ASIC2: variants seen among roughly 807,000 people sequenced by gnomAD.
ASIC2 encodes acid sensing ion channel subunit 2.
A neutral mutation model predicts 57.3 loss-of-function variants in ASIC2; 25 were observed. The ratio of observed to expected loss-of-function variants is 0.44; its 90% confidence interval spans 0.32 to 0.61. ASIC2 has a LOEUF of 0.61. Ranked by LOEUF, ASIC2 falls within the 20% of genes least tolerant of loss-of-function variation. ASIC2 has a pLI of 0.06. For missense variants in ASIC2, 641 were observed against 738.1 expected, an observed-to-expected ratio of 0.87 and a Z score of 1.52; for synonymous variants, 319 against 307.5, an observed-to-expected ratio of 1.04 and a Z score of -0.39.
At chr17:33,124,829 G>A (rs2092316942) in intron 1 of ASIC2, among the ~76,000 whole-genome samples, 1 of 152,214 alleles carries the variant, frequency 6.6e-6, no homozygotes, top group Non-Finnish European at 1.5e-5. Flanking sequence ...GAATCAGTGG[G>A]AGCCCTGAGT....
chr17:33,756,552 G>A (rs1236139786), intron 1 of ASIC2, among the ~76,000 whole-genome samples: 1 of 151,964 alleles, frequency 6.6e-6, no homozygotes, highest in Non-Finnish European at 1.5e-5. Context: ...CTGCACAAGT[G>A]AGACCTACAC....
At chr17:34,108,500 C>T (rs1333810654) in intron 1 of ASIC2, among the ~76,000 whole-genome samples, 1 of 152,126 alleles carries the variant, frequency 6.6e-6, no homozygotes, top group African/African-American at 2.4e-5. Flanking sequence ...CCCTATTACC[C>T]TATAAGATTT....
intron 1 of ASIC2, among the ~76,000 whole-genome samples, chr17:33,365,498 G>T (rs1352097956): frequency 6.6e-6 from 1 of 152,216 alleles, no homozygotes; most frequent in East Asian, 1.9e-4. Flanking sequence ...TCATTATCAA[G>T]TTATAGGGAG....
rs1169675693 is a variant in ASIC2 at position 33,310,588 on chromosome 17, A to G, written c.556-198521T>C. On this transcript the variant is annotated intron_variant, in intron 1 of 9. Coordinates refer to the ASIC2 transcript ENST00000359872. Reference sequence around the variant, plus strand: ...TGATCCTTAGGCTCAGAACCAAGTAAAAAATGCCTCTGAAGAAGTTGGACA... The same window carrying G: ...TGATCCTTAGGCTCAGAACCAAGTAGAAAATGCCTCTGAAGAAGTTGGACA... 2.0e-5 allele frequency among the ~76,000 whole-genome samples: 3 copies of G among 152,164 alleles called. No homozygotes were observed. In the East Asian group the frequency reaches 5.8e-4, roughly 29 times the overall value.
chr17:33,201,960 A>T (rs936102798), intron 1 of ASIC2, among the ~76,000 whole-genome samples: 4 of 139,064 alleles, frequency 2.9e-5, no homozygotes, highest in African/African-American at 1.1e-4. Flanking sequence ...GGAGCCCAGG[A>T]GGTGGGGATT....
chr17:33,122,972 C>T (rs890770567), intron 1 of ASIC2, among the ~76,000 whole-genome samples: 1 of 151,954 alleles, frequency 6.6e-6, no homozygotes, highest in African/African-American at 2.4e-5. Context: ...GTGGCCACTA[C>T]CGAAAAGATG....
intron 1 of ASIC2, among the ~76,000 whole-genome samples, chr17:33,866,019 GT>G (rs974709592): frequency 8.6e-5 from 13 of 151,962 alleles, no homozygotes; most frequent in African/African-American, 3.1e-4. Flanking sequence ...ACTGTATTTT[GT>G]TTTGTCTGAT....
intron 1 of ASIC2, among the ~76,000 whole-genome samples, chr17:33,341,520 T>C (rs1907721176): frequency 6.6e-6 from 1 of 152,204 alleles, no homozygotes; most frequent in Non-Finnish European, 1.5e-5. Flanking sequence ...ATGCTAGAGT[T>C]GAGTGGTTGC....
At chr17:33,846,693 A>G (rs71379419) in intron 1 of ASIC2, among the ~76,000 whole-genome samples, 1 of 151,818 alleles carries the variant, frequency 6.6e-6, no homozygotes, top group South Asian at 2.1e-4. Context: ...TTCACAGCTT[A>G]TACCTGTGAG....
chr17:33,512,087 G>A (rs1384461262), intron 1 of ASIC2, among the ~76,000 whole-genome samples: 3 of 152,178 alleles, frequency 2.0e-5, no homozygotes, highest in East Asian at 1.9e-4. Flanking sequence ...CAGCTTAATA[G>A]TAGGTAGTAT....
At chr17:33,981,199 C>T (rs536211676) in intron 1 of ASIC2, among the ~76,000 whole-genome samples, 4 of 152,098 alleles carry the variant, frequency 2.6e-5, no homozygotes, top group Non-Finnish European at 5.9e-5. Context: ...ATCCACCTGC[C>T]TCGGCCTCCC....
chr17:33,345,066 T>C (rs1157247168), intron 1 of ASIC2, among the ~76,000 whole-genome samples: 1 of 152,208 alleles, frequency 6.6e-6, no homozygotes, highest in East Asian at 1.9e-4. Context: ...TACCAAAATG[T>C]TTCCAGATAG....
intron 1 of ASIC2, among the ~76,000 whole-genome samples, chr17:33,722,800 A>G (rs1432952068): frequency 6.6e-6 from 1 of 152,152 alleles, no homozygotes; most frequent in Non-Finnish European, 1.5e-5. Flanking sequence ...AAGATATCCA[A>G]AGCACCAATA....
chr17:33,722,182 A>G (rs1030891804), intron 1 of ASIC2, among the ~76,000 whole-genome samples: 4 of 152,134 alleles, frequency 2.6e-5, no homozygotes, highest in African/African-American at 9.7e-5. Flanking sequence ...ATGGTAGTGA[A>G]TAAGTGTCAC....
intron 1 of ASIC2, among the ~76,000 whole-genome samples, chr17:33,375,950 G>T (rs1032462219): frequency 2.0e-5 from 3 of 152,108 alleles, no homozygotes; most frequent in South Asian, 2.1e-4. Context: ...TCAAGTTATC[G>T]ACACAATGAG....
chr17:33,357,213 C>T (rs1265976261), intron 1 of ASIC2, among the ~76,000 whole-genome samples: 5 of 152,118 alleles, frequency 3.3e-5, no homozygotes, highest in African/African-American at 2.4e-5. Flanking sequence ...TCCAAGTCCT[C>T]ACCATCAGAT....
intron 1 of ASIC2, among the ~76,000 whole-genome samples, chr17:33,223,160 C>CT (rs1358945551): frequency 4.0e-5 from 6 of 151,638 alleles, no homozygotes; most frequent in East Asian, 1.9e-4. Flanking sequence ...TCCCCCTTTT[C>CT]TTTTTTTTTC....
intron 1 of ASIC2, among the ~76,000 whole-genome samples, chr17:33,420,106 T>G (rs1283124604): frequency 6.6e-6 from 1 of 152,224 alleles, no homozygotes; most frequent in Non-Finnish European, 1.5e-5. Flanking sequence ...CTGCGCTATA[T>G]TTCCAACAAA....
chr17:33,277,688 C>T (rs567302779), intron 1 of ASIC2, among the ~76,000 whole-genome samples: 2 of 152,266 alleles, frequency 1.3e-5, no homozygotes, highest in East Asian at 3.9e-4. Context: ...ATGGAATACT[C>T]CAAAGAAAAG....
Sources: gnomAD v4.1 joint callset for allele counts (sites outside exome capture counted in the v4.1 genomes callset) on GRCh38, gnomAD v4.1.1 for gene constraint, MANE v1.5 for transcripts, NCBI Gene and HGNC (gene_info 2026-07-23, HGNC 2026-07-21) for gene names.